The following MAPK10 variants were observed in gnomAD, a reference collection of about 807,000 sequenced individuals.
The protein encoded by MAPK10 is mitogen-activated protein kinase 10, also known as JNK3 alpha protein kinase.
MAPK10 carries 25 observed loss-of-function variants against 59.3 expected under a neutral mutation model. The ratio of observed to expected loss-of-function variants is 0.42; its 90% CI spans 0.31 to 0.59. MAPK10 has a LOEUF of 0.59. Among genes scored for constraint, MAPK10 ranks in the 20% least tolerant of loss-of-function variants. The pLI, the probability that MAPK10 is intolerant of heterozygous loss-of-function variation, is 0.15. For synonymous variants in MAPK10, 190 were observed against 200.5 expected, an observed-to-expected ratio of 0.95 and a Z score of 0.44; for missense variants, 351 against 568.9, an observed-to-expected ratio of 0.62 and a Z score of 3.90.
At chr4:86,378,063 T>A (rs1364329567) in intron 1 of MAPK10, among the ~76,000 whole-genome samples, 1 of 152,158 alleles carries the variant, frequency 6.6e-6, no homozygotes, top group Non-Finnish European at 1.5e-5. Flanking sequence ...ATACTTTGTA[T>A]CCTTCAATCC....
intron 2 of MAPK10, among the ~76,000 whole-genome samples, chr4:86,316,387 T>C (rs964518362): frequency 6.6e-6 from 1 of 152,100 alleles, no homozygotes; most frequent in Admixed American, 6.6e-5. Context: ...AGAGAGAGAA[T>C]TGACATATAA....
chr4:86,455,584 G>A (rs555538438), upstream of MAPK10, among the ~76,000 whole-genome samples: 1 of 152,192 alleles, frequency 6.6e-6, no homozygotes, highest in African/African-American at 2.4e-5. Context: ...ATGATAAAAG[G>A]CCTTGTCCAA....
At chr4:86,119,461 T>A (rs954682445) in intron 4 of MAPK10, 6 of 151,606 alleles carry the variant, frequency 4.0e-5, no homozygotes, top group African/African-American at 1.5e-4. Flanking sequence ...CCAGGCGTGG[T>A]AGCACGCACC....
intron 4 of MAPK10, among the ~76,000 whole-genome samples, chr4:86,145,499 G>T (rs2064761614): frequency 6.6e-6 from 1 of 151,824 alleles, no homozygotes. Context: ...GTTTCACAAA[G>T]AATTACTGCT....
At chr4:86,366,825 G>A (rs541299505) in intron 1 of MAPK10, among the ~76,000 whole-genome samples, 2 of 152,264 alleles carry the variant, frequency 1.3e-5, no homozygotes, top group South Asian at 4.1e-4. Context: ...ACCAACTAAT[G>A]CCCTAAGGTC....
At chr4:86,188,913 T>C (rs2078970073) in intron 3 of MAPK10, among the ~76,000 whole-genome samples, 1 of 152,232 alleles carries the variant, frequency 6.6e-6, no homozygotes, top group Non-Finnish European at 1.5e-5. Context: ...TTAATCCATC[T>C]TGAGTTAATC....
At chr4:86,294,205 C>T (rs566186481) in intron 2 of MAPK10, among the ~76,000 whole-genome samples, 2 of 152,230 alleles carry the variant, frequency 1.3e-5, no homozygotes, top group South Asian at 2.1e-4. Flanking sequence ...CGATAATATG[C>T]CCTTTAGTGT....
At chr4:86,060,542 C>T (rs1265527360) in intron 11 of MAPK10, among the ~76,000 whole-genome samples, 1 of 151,974 alleles carries the variant, frequency 6.6e-6, no homozygotes, top group Non-Finnish European at 1.5e-5. Context: ...GTGGTAAAGC[C>T]ACCACTGGAT....
intron 1 of MAPK10, among the ~76,000 whole-genome samples, chr4:86,516,494 T>C (rs886420490): frequency 2.0e-5 from 3 of 152,230 alleles, no homozygotes; most frequent in African/African-American, 7.2e-5. Context: ...TTTCACAATA[T>C]TGATTCTACC....
chr4:86,323,392 G>A (rs1439952519), intron 2 of MAPK10, among the ~76,000 whole-genome samples: 2 of 152,130 alleles, frequency 1.3e-5, no homozygotes, highest in Non-Finnish European at 2.9e-5. Flanking sequence ...AATTAGAAGT[G>A]GTGTTTGCCA....
chr4:86,451,446 A>G (rs1281246414), intron 1 of MAPK10, among the ~76,000 whole-genome samples: 1 of 152,240 alleles, frequency 6.6e-6, no homozygotes, highest in East Asian at 1.9e-4. Flanking sequence ...CAATATTTAT[A>G]TGACATATTA....
chr4:86,509,020 TAG>T (rs1564965543), intron 1 of MAPK10, among the ~76,000 whole-genome samples: 1 of 152,192 alleles, frequency 6.6e-6, no homozygotes, highest in Non-Finnish European at 1.5e-5. Flanking sequence ...AGTTAACATG[TAG>T]AGTCTTTTTA....
chr4:86,441,695 A>G (rs910544579), intron 1 of MAPK10, among the ~76,000 whole-genome samples: 4 of 152,168 alleles, frequency 2.6e-5, no homozygotes, highest in Non-Finnish European at 1.5e-5. Context: ...GACTCTAGTG[A>G]TTTAAAAAAC....
chr4:86,042,533 A>C (rs972323345), intron 11 of MAPK10, among the ~76,000 whole-genome samples: 1 of 152,138 alleles, frequency 6.6e-6, no homozygotes, highest in African/African-American at 2.4e-5. Context: ...AAAATATGTT[A>C]ATTGTGACAT....
At chr4:86,265,289 A>G (rs2094186174) in intron 2 of MAPK10, among the ~76,000 whole-genome samples, 1 of 151,908 alleles carries the variant, frequency 6.6e-6, no homozygotes, top group South Asian at 2.1e-4. Flanking sequence ...CAGGTGTATC[A>G]CTTGAGGTCA....
intron 1 of MAPK10, among the ~76,000 whole-genome samples, chr4:86,470,771 C>T (rs1256604288): frequency 6.6e-6 from 1 of 152,094 alleles, no homozygotes; most frequent in Non-Finnish European, 1.5e-5. Context: ...GAAGACAAGA[C>T]TTTCCTATAT....
intron 3 of MAPK10, among the ~76,000 whole-genome samples, chr4:86,180,546 AC>A (rs1435188842): frequency 1.5e-4 from 22 of 151,570 alleles, no homozygotes; most frequent in Non-Finnish European, 2.8e-4. Flanking sequence ...AGATATCTGC[AC>A]CCCCATGTTT....
At chr4:86,555,910 C>CA (rs1203205346) in intron 1 of MAPK10, among the ~76,000 whole-genome samples, 3 of 152,172 alleles carry the variant, frequency 2.0e-5, no homozygotes, top group Non-Finnish European at 4.4e-5. Context: ...TTACCATCCA[C>CA]ACCATTCCTT....
At chr4:86,447,308 C>T (rs1251855076) in intron 1 of MAPK10, among the ~76,000 whole-genome samples, 1 of 152,112 alleles carries the variant, frequency 6.6e-6, no homozygotes, top group African/African-American at 2.4e-5. Flanking sequence ...AAGGTTCTTG[C>T]TTCCCCTTCA....
Sources: allele counts gnomAD v4.1 joint callset (sites outside exome capture counted in the v4.1 genomes callset), GRCh38; gene constraint gnomAD v4.1.1; transcripts MANE v1.5; gene names NCBI Gene and HGNC (gene_info 2026-07-23, HGNC 2026-07-21).